Variants in POU6F2 observed in about 807,000 individuals in gnomAD.
POU6F2 encodes POU domain, class 6, transcription factor 2.
Under a neutral mutation model 71.3 loss-of-function variants are expected in POU6F2, and 31 were observed. The observed-to-expected ratio is 0.43, with a 90% confidence interval of 0.33 to 0.59. The LOEUF (loss-of-function observed/expected upper bound fraction) is 0.59, where lower values mean the gene tolerates loss of function less well. POU6F2 is among the 20% of genes least tolerant of loss of function. The pLI is 0.04. For synonymous variants in POU6F2, 347 were observed against 355.7 expected (o/e 0.98, Z 0.27); for missense variants, 783 against 856.8 (o/e 0.91, Z 1.07).
chr7:39,052,242 T>C (rs1790413550), intron 1 of POU6F2, among the ~76,000 whole-genome samples: 1 of 152,114 alleles, frequency 6.6e-6, no homozygotes, highest in Non-Finnish European at 1.5e-5. Context: ...GACTGCAATA[T>C]AAATATGAGA....
At chr7:39,216,212 T>C (rs939727217) in intron 4 of POU6F2, among the ~76,000 whole-genome samples, 1 of 152,180 alleles carries the variant, frequency 6.6e-6, no homozygotes, top group Admixed American at 6.5e-5. Context: ...CCAACAGTCA[T>C]TGCATTAACG....
chr7:39,216,357 A>G (rs188925467), intron 4 of POU6F2, among the ~76,000 whole-genome samples: 120 of 152,352 alleles, frequency 7.9e-4, no homozygotes, highest in African/African-American at 2.8e-3. Flanking sequence ...ATTTCTAACC[A>G]TAGAATTCAA....
chr7:39,221,393 T>C (rs1240843268), intron 4 of POU6F2, among the ~76,000 whole-genome samples: 7 of 143,494 alleles, frequency 4.9e-5, no homozygotes, highest in Non-Finnish European at 6.1e-5. Context: ...TCTTTTTTTT[T>C]TTTTTTTTTT....
intron 2 of POU6F2, 45 bp downstream of exon 2, chr7:39,086,076 G>A (rs551943922): frequency 3.8e-6 from 6 of 1,580,376 alleles, no homozygotes; most frequent in Middle Eastern, 1.8e-4. Context: ...CATGTTGTCC[G>A]GAAGAGCAAT....
chr7:39,293,160 C>T (rs548595232), intron 4 of POU6F2, among the ~76,000 whole-genome samples: 2 of 152,296 alleles, frequency 1.3e-5, no homozygotes, highest in African/African-American at 4.8e-5. Context: ...TGCCCGGCCC[C>T]GACGGTGCCA....
intron 1 of POU6F2, among the ~76,000 whole-genome samples, chr7:39,044,077 G>A (rs117553224): frequency 2.4e-4 from 37 of 152,008 alleles, no homozygotes; most frequent in Non-Finnish European, 4.3e-4. Flanking sequence ...TCTCCTGGGC[G>A]TAGGGACTTA....
At chr7:38,980,664 T>A (rs1171141298) in intron 1 of POU6F2, among the ~76,000 whole-genome samples, 1 of 152,232 alleles carries the variant, frequency 6.6e-6, no homozygotes, top group Non-Finnish European at 1.5e-5. Context: ...TGTTTGTGTT[T>A]GTTTCTGCTC....
chr7:39,074,495 A>AG (rs71910227), intron 1 of POU6F2, among the ~76,000 whole-genome samples: 1 of 152,092 alleles, frequency 6.6e-6, no homozygotes, highest in Non-Finnish European at 1.5e-5. Flanking sequence ...AAAAAAAAAA[A>AG]TCTAAATTTA....
At chr7:39,199,546 C>T (rs1793853381) in intron 2 of POU6F2, among the ~76,000 whole-genome samples, 2 of 151,996 alleles carry the variant, frequency 1.3e-5, no homozygotes, top group African/African-American at 4.8e-5. Flanking sequence ...AGTGCGGTGA[C>T]AGTTATTGGT....
chr7:39,203,301 C>A (rs1370863345), intron 2 of POU6F2, among the ~76,000 whole-genome samples: 1 of 152,126 alleles, frequency 6.6e-6, no homozygotes, highest in Non-Finnish European at 1.5e-5. Context: ...ATTCATAGGA[C>A]AAACATCAGG....
At chr7:39,315,028 A>G (rs1403765433) in intron 4 of POU6F2, among the ~76,000 whole-genome samples, 4 of 152,202 alleles carry the variant, frequency 2.6e-5, no homozygotes, top group Admixed American at 2.0e-4. Context: ...TACACGTAAC[A>G]TTTCACAGCG....
chr7:39,245,661 G>A (rs1227442571), intron 4 of POU6F2, among the ~76,000 whole-genome samples: 1 of 152,112 alleles, frequency 6.6e-6, no homozygotes, highest in African/African-American at 2.4e-5. Context: ...CCATCTAGGA[G>A]GAACTTAGTT....
intron 1 of POU6F2, among the ~76,000 whole-genome samples, chr7:39,040,951 A>G (rs952185683): frequency 3.3e-5 from 5 of 151,928 alleles, no homozygotes; most frequent in Non-Finnish European, 7.4e-5. Context: ...ATGAAAATAT[A>G]CTCATACAGT....
intron 8 of POU6F2, among the ~76,000 whole-genome samples, chr7:39,453,025 G>C (rs144480215): frequency 0.011 from 1,615 of 152,346 alleles, 23 homozygotes; most frequent in African/African-American, 0.037. Flanking sequence ...CTGGGAGGCA[G>C]AGGTTGCAGT....
At chr7:39,436,264 G>A (rs1219854273) in intron 7 of POU6F2, among the ~76,000 whole-genome samples, 5 of 152,086 alleles carry the variant, frequency 3.3e-5, no homozygotes, top group Admixed American at 6.5e-5. Flanking sequence ...AGGATGGAAC[G>A]TTTTTCCATT....
intron 1 of POU6F2, among the ~76,000 whole-genome samples, chr7:39,068,490 CATATAT>C (rs3057275): frequency 6.8e-6 from 1 of 146,714 alleles, no homozygotes; most frequent in Admixed American, 6.8e-5. Flanking sequence ...CTAGTACATG[CATATAT>C]ATATATATAT....
chr7:39,094,167 A>G (rs1009169508), intron 2 of POU6F2, among the ~76,000 whole-genome samples: 7 of 152,134 alleles, frequency 4.6e-5, no homozygotes, highest in African/African-American at 1.7e-4. Flanking sequence ...TCCAAGTTCC[A>G]GTGTCTTCTT....
At chr7:39,280,421 A>G (rs1784541336) in intron 4 of POU6F2, among the ~76,000 whole-genome samples, 1 of 152,182 alleles carries the variant, frequency 6.6e-6, no homozygotes, top group South Asian at 2.1e-4. Context: ...CCTTATAGGA[A>G]TGCTAGAATC....
intron 4 of POU6F2, among the ~76,000 whole-genome samples, chr7:39,327,095 C>G (rs1785517079): frequency 6.6e-6 from 1 of 152,014 alleles, no homozygotes; most frequent in African/African-American, 2.4e-5. Context: ...CTGGCTAACA[C>G]TGTGAAACCC....
Sources: gnomAD v4.1 joint callset for allele counts (sites outside exome capture counted in the v4.1 genomes callset) on GRCh38, gnomAD v4.1.1 for gene constraint, MANE v1.5 for transcripts, NCBI Gene and HGNC (gene_info 2026-07-23, HGNC 2026-07-21) for gene names.